Variants in SORCS3 observed in about 807,000 individuals in gnomAD.
SORCS3 encodes VPS10 domain-containing receptor SorCS3.
SORCS3 carries 57 observed loss-of-function variants against 146.3 expected under a neutral mutation model. The ratio of observed to expected loss-of-function variants is 0.39; its 90% CI spans 0.31 to 0.49. SORCS3 has a LOEUF of 0.49. SORCS3 is among the 20% of genes least tolerant of loss of function. The pLI is 0.92. For synonymous variants in SORCS3, 653 were observed against 618.5 expected, an observed-to-expected ratio of 1.06 and a Z score of -0.83; for missense variants, 1,341 against 1,575.5, an observed-to-expected ratio of 0.85 and a Z score of 2.52.
intron 9 of SORCS3, among the ~76,000 whole-genome samples, chr10:105,155,085 T>C (rs1484663974): frequency 6.6e-6 from 1 of 152,216 alleles, no homozygotes; most frequent in African/African-American, 2.4e-5. Flanking sequence ...GTCTGTCCTT[T>C]CTACATCTTT....
chr10:105,106,411 C>G (rs533134057), intron 7 of SORCS3, among the ~76,000 whole-genome samples: 1 of 152,294 alleles, frequency 6.6e-6, no homozygotes, highest in South Asian at 2.1e-4. Flanking sequence ...CTCAGTGTGA[C>G]TCTCCATCCT....
intron 1 of SORCS3, among the ~76,000 whole-genome samples, chr10:104,695,139 T>C (rs1395592954): frequency 1.3e-5 from 2 of 152,166 alleles, no homozygotes; most frequent in African/African-American, 4.8e-5. Flanking sequence ...TGGAATTTTA[T>C]TGTGGTGATT....
intron 3 of SORCS3, among the ~76,000 whole-genome samples, chr10:104,965,964 A>G (rs1401811766): frequency 6.6e-6 from 1 of 152,062 alleles, no homozygotes; most frequent in African/African-American, 2.4e-5. Flanking sequence ...GTGAGACAGG[A>G]TATGTATAAG....
chr10:105,146,953 C>T (rs1210884076), intron 8 of SORCS3, among the ~76,000 whole-genome samples: 3 of 152,224 alleles, frequency 2.0e-5, no homozygotes, highest in Admixed American at 2.0e-4. Flanking sequence ...TGTATTTTGA[C>T]CCAGAACATT....
At chr10:105,194,818 C>T (rs976943694) in intron 14 of SORCS3, among the ~76,000 whole-genome samples, 7 of 152,096 alleles carry the variant, frequency 4.6e-5, no homozygotes, top group South Asian at 2.1e-4. Flanking sequence ...TCTCAAAATA[C>T]GGTCCTGGGG....
intron 1 of SORCS3, among the ~76,000 whole-genome samples, chr10:104,836,194 T>C (rs915180535): frequency 6.6e-6 from 1 of 152,104 alleles, no homozygotes; most frequent in African/African-American, 2.4e-5. Flanking sequence ...TCCTCTCACA[T>C]AGAAAATGGG....
At chr10:105,142,346 C>G (rs2056101012) in intron 8 of SORCS3, among the ~76,000 whole-genome samples, 2 of 152,176 alleles carry the variant, frequency 1.3e-5, no homozygotes, top group African/African-American at 4.8e-5. Context: ...CAGACCCCCT[C>G]TCTCCATATG....
chr10:105,100,766 A>C (rs2055778703), intron 6 of SORCS3, among the ~76,000 whole-genome samples: 2 of 152,264 alleles, frequency 1.3e-5, no homozygotes, highest in African/African-American at 4.8e-5. Context: ...GAATCTGTAA[A>C]AGATGCTGAG....
chr10:104,962,839 C>A (rs2054804102), intron 3 of SORCS3, among the ~76,000 whole-genome samples: 1 of 152,090 alleles, frequency 6.6e-6, no homozygotes, highest in African/African-American at 2.4e-5. Flanking sequence ...TAGGAATAAC[C>A]ACTGTTAACG....
chr10:104,738,775 C>T (rs775975535), intron 1 of SORCS3, among the ~76,000 whole-genome samples: 8 of 152,178 alleles, frequency 5.3e-5, no homozygotes, highest in Non-Finnish European at 1.0e-4. Flanking sequence ...GAACTGATAG[C>T]AACTTAATAT....
At chr10:105,172,121 C>G (rs998444031) in intron 13 of SORCS3, among the ~76,000 whole-genome samples, 1 of 152,156 alleles carries the variant, frequency 6.6e-6, no homozygotes, top group Non-Finnish European at 1.5e-5. Flanking sequence ...CCACTCAGAT[C>G]TATGCAGAAT....
rs1033222216 is a variant in SORCS3 at position 104,922,053 on chromosome 10, C to T, written c.795+6121C>T. 5.9e-5 allele frequency among the ~76,000 whole-genome samples: 9 copies of T among 152,264 alleles called. No homozygotes were observed. The South Asian group carries it at 8.3e-4, about 14-fold the overall frequency. ...AGCAAGCTGCTTTTGTCAAGCTGTT[C>T]GAGAGGCACCGCGTGTGTGGTCGGA... On this transcript the variant is annotated intron_variant, in intron 3 of 26. Coordinates refer to ENST00000369701, the MANE Select transcript of SORCS3 (RefSeq NM_014978.3).
intron 5 of SORCS3, among the ~76,000 whole-genome samples, chr10:105,070,533 G>C (rs1414251026): frequency 6.6e-6 from 1 of 152,182 alleles, no homozygotes; most frequent in Admixed American, 6.5e-5. Flanking sequence ...TTCCCAGCCT[G>C]TGATCAAGGA....
intron 23 of SORCS3, among the ~76,000 whole-genome samples, chr10:105,253,879 C>A (rs2056915212): frequency 6.6e-6 from 1 of 152,190 alleles, no homozygotes; most frequent in Admixed American, 6.5e-5. Context: ...ATGCATACAT[C>A]ACTTTTACAA....
At chr10:104,735,456 G>GTTTTTTTTTTTTTTTTTTTTTTTTGTTTT (rs56203751) in intron 1 of SORCS3, among the ~76,000 whole-genome samples, 1 of 34,994 alleles carries the variant, frequency 2.9e-5, no homozygotes, top group Admixed American at 3.7e-4. Context: ...CTCACCGTCT[G>GTTTTTTTTTTTTTTTTTTTTTTTTGTTTT]TTTTTTTTTT....
At chr10:105,214,970 G>C (rs138890851) in intron 18 of SORCS3, among the ~76,000 whole-genome samples, 1,592 of 152,274 alleles carry the variant, frequency 0.01, 10 homozygotes, top group Non-Finnish European at 0.016. Context: ...AATTTTATCT[G>C]TTGCTTTTAG....
At chr10:104,773,574 A>G (rs979260577) in intron 1 of SORCS3, among the ~76,000 whole-genome samples, 5 of 152,214 alleles carry the variant, frequency 3.3e-5, no homozygotes, top group Admixed American at 1.3e-4. Context: ...ACGCAGGGCT[A>G]AGCATACAGA....
intron 5 of SORCS3, among the ~76,000 whole-genome samples, chr10:105,085,529 A>G (rs1213433115): frequency 6.6e-6 from 1 of 152,224 alleles, no homozygotes; most frequent in Admixed American, 6.5e-5. Flanking sequence ...GAAATATTGA[A>G]GAAAGATAAT....
intron 1 of SORCS3, among the ~76,000 whole-genome samples, chr10:104,794,036 A>G (rs965000334): frequency 1.3e-5 from 2 of 152,312 alleles, no homozygotes; most frequent in Non-Finnish European, 2.9e-5. Flanking sequence ...TTTTAGGAGA[A>G]TAGGGACTGG....
Sources: gnomAD v4.1 joint callset for allele counts (sites outside exome capture counted in the v4.1 genomes callset) on GRCh38, gnomAD v4.1.1 for gene constraint, MANE v1.5 for transcripts, NCBI Gene and HGNC (gene_info 2026-07-23, HGNC 2026-07-21) for gene names.